The following TNFSF4 variants were observed in gnomAD, a reference collection of about 807,000 sequenced individuals.
TNFSF4 encodes the protein tumor necrosis factor ligand superfamily member 4.
In TNFSF4, 4 loss-of-function variants were observed where a neutral mutation model predicts 7.3. The ratio of observed to expected loss-of-function variants is 0.55; its 90% CI spans 0.27 to 1.25. TNFSF4 has a LOEUF of 1.25. Ranked by LOEUF, TNFSF4 falls within the 50% of genes most tolerant of loss-of-function variation. The probability of loss-of-function intolerance (pLI) is 0.12; values close to 1 mark genes in which losing one functional copy is unlikely to be tolerated. For synonymous variants in TNFSF4, 76 were observed against 83.7 expected, an observed-to-expected ratio of 0.91 and a Z score of 0.50; for missense variants, 181 against 208.8, an observed-to-expected ratio of 0.87 and a Z score of 0.82.
chr1:173,212,758 T>C, the TNFSF4 span, among the ~76,000 whole-genome samples: 5 of 152,144 alleles, frequency 3.3e-5, no homozygotes, highest in African/African-American at 9.7e-5. Flanking sequence ...GATGGACTTA[T>C]TTCACATTAC....
chr1:173,249,721 G>C, the TNFSF4 span, among the ~76,000 whole-genome samples: 1 of 152,170 alleles, frequency 6.6e-6, no homozygotes, highest in Non-Finnish European at 1.5e-5. Context: ...GCCTTTAGCA[G>C]CAAGACTACA....
chr1:173,365,345 A>G, the TNFSF4 span, among the ~76,000 whole-genome samples: 1 of 152,232 alleles, frequency 6.6e-6, no homozygotes, highest in Admixed American at 6.5e-5. Context: ...TGTTTCCTCT[A>G]GCACAATTTA....
chr1:173,394,884 T>C, the TNFSF4 span, among the ~76,000 whole-genome samples: 1 of 151,902 alleles, frequency 6.6e-6, no homozygotes, highest in African/African-American at 2.4e-5. Flanking sequence ...TGTGAGCCAA[T>C]TCCTCCCAAT....
chr1:173,311,309 G>C, the TNFSF4 span, among the ~76,000 whole-genome samples: 1 of 151,978 alleles, frequency 6.6e-6, no homozygotes, highest in Non-Finnish European at 1.5e-5. Context: ...TTAATATAAA[G>C]ATATATTAAC....
the TNFSF4 span, among the ~76,000 whole-genome samples, chr1:173,230,406 A>G: frequency 6.6e-6 from 1 of 152,240 alleles, no homozygotes; most frequent in Admixed American, 6.5e-5. Context: ...AACATACCAG[A>G]ATCTCTGGGA....
At chr1:173,279,028 T>C in the TNFSF4 span, among the ~76,000 whole-genome samples, 2 of 152,072 alleles carry the variant, frequency 1.3e-5, no homozygotes, top group Non-Finnish European at 2.9e-5. Flanking sequence ...TGGGCATAAA[T>C]TGTTACTGTT....
the TNFSF4 span, among the ~76,000 whole-genome samples, chr1:173,281,515 T>G: frequency 6.6e-6 from 1 of 152,192 alleles, no homozygotes; most frequent in Non-Finnish European, 1.5e-5. Flanking sequence ...TAAGCACTAA[T>G]GTATGACTGC....
intron 1 of TNFSF4, among the ~76,000 whole-genome samples, chr1:173,198,520 C>T (rs964502098): frequency 3.9e-5 from 6 of 152,152 alleles, no homozygotes; most frequent in Admixed American, 6.5e-5. Context: ...TAAGATTATT[C>T]CTGTACTAGA....
At chr1:173,444,955 G>A in the TNFSF4 span, among the ~76,000 whole-genome samples, 1 of 152,204 alleles carries the variant, frequency 6.6e-6, no homozygotes, top group African/African-American at 2.4e-5. Flanking sequence ...CGCTCAGCCA[G>A]CAAATGAAAG....
the TNFSF4 span, among the ~76,000 whole-genome samples, chr1:173,283,719 T>G: frequency 1.3e-5 from 2 of 152,056 alleles, no homozygotes; most frequent in Non-Finnish European, 2.9e-5. Flanking sequence ...GAAAGAAGTC[T>G]GAGATGCTGA....
chr1:173,338,490 G>A, the TNFSF4 span, among the ~76,000 whole-genome samples: 1 of 152,008 alleles, frequency 6.6e-6, no homozygotes, highest in Non-Finnish European at 1.5e-5. Context: ...TGACAGAATG[G>A]TAGAATGACT....
At chr1:173,366,586 T>TA in the TNFSF4 span, among the ~76,000 whole-genome samples, 2 of 152,026 alleles carry the variant, frequency 1.3e-5, no homozygotes, top group East Asian at 1.9e-4. Flanking sequence ...GTAAATATAG[T>TA]AAAAAATAAT....
At chr1:173,212,452 T>C in the TNFSF4 span, among the ~76,000 whole-genome samples, 3 of 152,148 alleles carry the variant, frequency 2.0e-5, no homozygotes, top group African/African-American at 7.2e-5. Flanking sequence ...CTCACCCGGA[T>C]TTCCCAGAAG....
chr1:173,213,120 T>C, the TNFSF4 span, among the ~76,000 whole-genome samples: 1 of 152,174 alleles, frequency 6.6e-6, no homozygotes, highest in Non-Finnish European at 1.5e-5. Flanking sequence ...AGGTGAAAGA[T>C]TAGCAAACCT....
chr1:173,235,680 T>C, the TNFSF4 span, among the ~76,000 whole-genome samples: 7 of 152,364 alleles, frequency 4.6e-5, no homozygotes, highest in Non-Finnish European at 5.9e-5. Flanking sequence ...AGCATTTGGC[T>C]GTCTCCTTCT....
At chr1:173,187,014 G>T in intron 2 of TNFSF4, 149 bp from the exon 3 acceptor site, 1 of 591,882 alleles carries the variant, frequency 1.7e-6, no homozygotes. Context: ...TCCCGCCACT[G>T]CACTCCAGCC....
intron 1 of TNFSF4, among the ~76,000 whole-genome samples, chr1:173,195,926 C>A (rs900681866): frequency 6.6e-6 from 1 of 152,164 alleles, no homozygotes; most frequent in East Asian, 1.9e-4. Context: ...TGCCACTGGA[C>A]GTGAACCTCT....
downstream of TNFSF4, among the ~76,000 whole-genome samples, chr1:173,180,934 AGCACAAT>A (rs1210307768): frequency 6.6e-6 from 1 of 152,182 alleles, no homozygotes; most frequent in East Asian, 1.9e-4. Flanking sequence ...CTAAGTACCT[AGCACAAT>A]GCCTGGCATA....
At chr1:173,200,611 T>G (rs566536646) in intron 1 of TNFSF4, among the ~76,000 whole-genome samples, 1 of 152,350 alleles carries the variant, frequency 6.6e-6, no homozygotes, top group East Asian at 1.9e-4. Flanking sequence ...ATTTTATATC[T>G]CATTAAGATG....
Sources: gnomAD v4.1 joint callset for allele counts (sites outside exome capture counted in the v4.1 genomes callset) on GRCh38, gnomAD v4.1.1 for gene constraint, MANE v1.5 for transcripts, NCBI Gene and HGNC (gene_info 2026-07-23, HGNC 2026-07-21) for gene names.